Variants in XRCC4 observed in about 807,000 individuals in gnomAD.
XRCC4 encodes X-ray repair cross complementing 4, also known as DNA repair protein XRCC4.
In XRCC4, 28 loss-of-function variants were observed where a neutral mutation model predicts 39.1. The ratio of observed to expected loss-of-function variants is 0.72; its 90% CI spans 0.53 to 0.98. XRCC4 has a LOEUF of 0.98. Among genes scored for constraint, XRCC4 ranks in the 50% least tolerant of loss-of-function variants. The pLI is 0.00. For synonymous variants in XRCC4, 123 were observed against 126.4 expected, an observed-to-expected ratio of 0.97 and a Z score of 0.18; for missense variants, 350 against 376.4, an observed-to-expected ratio of 0.93 and a Z score of 0.58.
rs115582193 is a variant in XRCC4 at position 83,342,920 on chromosome 5, C to T, written c.894-10211C>T. On this transcript the variant is annotated intron_variant, in intron 7 of 7. Coordinates refer to ENST00000396027, the MANE Select transcript of XRCC4 (RefSeq NM_003401.5). ...AGTGTTTCCATAATTGAGTTTATTTCATAATGGGAATTCTGTTAAGGTCAA... is the reference window on the plus strand; with the variant it reads ...AGTGTTTCCATAATTGAGTTTATTTTATAATGGGAATTCTGTTAAGGTCAA... 9.6e-3 allele frequency among the ~76,000 whole-genome samples: 1,468 copies of T among 152,158 alleles called. 18 individuals carry two copies. The highest frequency in any genetic ancestry group is 0.032 in the African/African-American group (1,349 of 41,514).
chr5:83,297,443 A>G (rs1397293534), intron 7 of XRCC4, among the ~76,000 whole-genome samples: 1 of 151,996 alleles, frequency 6.6e-6, no homozygotes, highest in East Asian at 1.9e-4. Context: ...ATGTGCATTT[A>G]CAAACTGAAT....
chr5:83,202,057 C>CAA (rs772714268), intron 4 of XRCC4: 8 of 142,466 alleles, frequency 5.6e-5, no homozygotes, highest in Non-Finnish European at 6.1e-5. Flanking sequence ...AAAAAAAAAA[C>CAA]AAAAAACCTG....
At chr5:83,124,265 C>T (rs1747153077) in intron 3 of XRCC4, among the ~76,000 whole-genome samples, 1 of 152,112 alleles carries the variant, frequency 6.6e-6, no homozygotes, top group Non-Finnish European at 1.5e-5. Flanking sequence ...TTGTGTTACC[C>T]CCTTTATATT....
At chr5:83,248,278 T>C (rs1209366013) in intron 6 of XRCC4, among the ~76,000 whole-genome samples, 1 of 152,188 alleles carries the variant, frequency 6.6e-6, no homozygotes, top group Non-Finnish European at 1.5e-5. Context: ...TTTATTTTTG[T>C]CTTGAAGGCA....
At chr5:83,172,488 A>C (rs1749774250) in intron 3 of XRCC4, among the ~76,000 whole-genome samples, 1 of 152,170 alleles carries the variant, frequency 6.6e-6, no homozygotes, top group South Asian at 2.1e-4. Flanking sequence ...ATAAAAATGT[A>C]AATGGGATTA....
intron 3 of XRCC4, among the ~76,000 whole-genome samples, chr5:83,195,561 C>A (rs867917639): frequency 4.6e-5 from 7 of 152,166 alleles, no homozygotes; most frequent in Middle Eastern, 3.4e-3. Context: ...AAAAATTATT[C>A]TTGGGCTATA....
chr5:83,263,595 G>C (rs1233791193), intron 7 of XRCC4, among the ~76,000 whole-genome samples: 3 of 151,410 alleles, frequency 2.0e-5, no homozygotes, highest in Non-Finnish European at 4.4e-5. Flanking sequence ...CTGATGGCCA[G>C]TGATGATGAG....
At chr5:83,185,618 A>T (rs1214565005) in intron 3 of XRCC4, among the ~76,000 whole-genome samples, 3 of 151,938 alleles carry the variant, frequency 2.0e-5, no homozygotes, top group African/African-American at 4.8e-5. Context: ...GATGGAGTTT[A>T]TAGTTCTTAA....
At chr5:83,298,264 T>TTA (rs1458825584) in intron 7 of XRCC4, among the ~76,000 whole-genome samples, 5 of 151,906 alleles carry the variant, frequency 3.3e-5, no homozygotes, top group East Asian at 3.9e-4. Context: ...GGGTGGAGTT[T>TTA]TATATATATA....
At chr5:83,088,459 G>A (rs990483461) in intron 1 of XRCC4, among the ~76,000 whole-genome samples, 1 of 151,978 alleles carries the variant, frequency 6.6e-6, no homozygotes, top group Non-Finnish European at 1.5e-5. Flanking sequence ...TACAACTGAC[G>A]TTCTGCAGGT....
intron 3 of XRCC4, among the ~76,000 whole-genome samples, chr5:83,190,049 G>A (rs929349105): frequency 6.6e-6 from 1 of 152,084 alleles, no homozygotes; most frequent in Non-Finnish European, 1.5e-5. Context: ...GCGTGACAGA[G>A]CGAGAATCTG....
At chr5:83,367,020 C>A in the XRCC4 span, among the ~76,000 whole-genome samples, 1 of 152,160 alleles carries the variant, frequency 6.6e-6, no homozygotes, top group Non-Finnish European at 1.5e-5. Flanking sequence ...AGGATTAGAA[C>A]AGGGATTTAG....
chr5:83,088,638 T>C (rs1156528109), intron 1 of XRCC4, among the ~76,000 whole-genome samples: 1 of 152,240 alleles, frequency 6.6e-6, no homozygotes, highest in Non-Finnish European at 1.5e-5. Context: ...AAACATTTCA[T>C]TAATTCTTTT....
At chr5:83,240,498 A>G (rs1752865950) in intron 6 of XRCC4, among the ~76,000 whole-genome samples, 2 of 152,208 alleles carry the variant, frequency 1.3e-5, no homozygotes, top group African/African-American at 4.8e-5. Context: ...TTTGCTAATT[A>G]TTACAATTGG....
chr5:83,157,726 C>T (rs928992338), intron 3 of XRCC4, among the ~76,000 whole-genome samples: 29 of 151,570 alleles, frequency 1.9e-4, no homozygotes, highest in African/African-American at 7.0e-4. Flanking sequence ...AGCAGTCTTC[C>T]AGGAAGTAAA....
intron 3 of XRCC4, among the ~76,000 whole-genome samples, chr5:83,133,532 T>C (rs953359287): frequency 2.0e-5 from 3 of 152,192 alleles, no homozygotes; most frequent in African/African-American, 7.2e-5. Context: ...TGCGTTGGGC[T>C]CCACCCAGTT....
intron 7 of XRCC4, among the ~76,000 whole-genome samples, chr5:83,329,134 A>G (rs1382093195): frequency 2.6e-5 from 4 of 152,056 alleles, no homozygotes; most frequent in Non-Finnish European, 5.9e-5. Flanking sequence ...CTACATGAAA[A>G]CAAATTTCAA....
chr5:83,175,905 C>T (rs909795587), intron 3 of XRCC4, among the ~76,000 whole-genome samples: 6 of 151,984 alleles, frequency 3.9e-5, no homozygotes, highest in African/African-American at 1.2e-4. Flanking sequence ...CACCATTGCC[C>T]GGCTGAGGCC....
chr5:83,146,279 G>C (rs1458564955), intron 3 of XRCC4, among the ~76,000 whole-genome samples: 2 of 152,134 alleles, frequency 1.3e-5, no homozygotes, highest in African/African-American at 4.8e-5. Flanking sequence ...AGATTTGTGA[G>C]ACTAAACAAT....
Sources: allele counts gnomAD v4.1 joint callset (sites outside exome capture counted in the v4.1 genomes callset), GRCh38; gene constraint gnomAD v4.1.1; transcripts MANE v1.5; gene names NCBI Gene and HGNC (gene_info 2026-07-23, HGNC 2026-07-21).